The following TNFRSF10B variants were observed in gnomAD, a reference collection of about 807,000 sequenced individuals.
TNFRSF10B encodes the protein tumor necrosis factor receptor superfamily member 10B.
Under a neutral mutation model 41.4 loss-of-function variants are expected in TNFRSF10B, and 35 were observed. The ratio of observed to expected loss-of-function variants is 0.85; its 90% CI spans 0.65 to 1.12. The LOEUF (loss-of-function observed/expected upper bound fraction) is 1.12. Among genes scored for constraint, TNFRSF10B ranks in the 50% most tolerant of loss-of-function variants. The pLI, the probability that TNFRSF10B is intolerant of heterozygous loss-of-function variation, is 0.00. For missense variants in TNFRSF10B, 584 were observed against 552.7 expected (o/e 1.06, Z -0.57); for synonymous variants, 230 against 215.5 (o/e 1.07, Z -0.59).
Position 23,021,304 on chromosome 8 carries a change from A to G in TNFRSF10B, c.*1367T>C, listed in dbSNP as rs1030442632. 1 of 454,006 alleles carries G rather than the reference A, an allele frequency of 2.2e-6. No individual in the cohort carries two copies. The highest frequency in any genetic ancestry group is 2.0e-5 in the African/African-American group (1 of 50,010). 28.1% of individuals were successfully genotyped at this position (454,006 alleles called of 1,614,324 possible). ...TCTGAGATGAGTCAGATGCTTACAG[A>G]GCGGCCAAGGTCCTCAAGTAGGCAA... On this transcript the variant is annotated 3_prime_UTR_variant, in exon 9 of 9. Coordinates refer to ENST00000276431, the MANE Select transcript of TNFRSF10B (RefSeq NM_003842.5).
chr8:23,042,539 A>G (rs1312905471), intron 2 of TNFRSF10B, among the ~76,000 whole-genome samples: 2 of 151,694 alleles, frequency 1.3e-5, no homozygotes, highest in Non-Finnish European at 2.9e-5. Flanking sequence ...AGCGCCTCAC[A>G]CTCAAGGCCC....
At chr8:23,027,069 C>T in intron 7 of TNFRSF10B, 64 bp downstream of exon 7, 2 of 1,611,158 alleles carry the variant, frequency 1.2e-6, no homozygotes, top group Non-Finnish European at 1.7e-6. Flanking sequence ...TGCCCTCTCC[C>T]ACTGTCTACG....
intron 2 of TNFRSF10B, among the ~76,000 whole-genome samples, chr8:23,042,550 T>TCCA (rs1238214367): frequency 1.3e-5 from 2 of 152,024 alleles, no homozygotes; most frequent in Admixed American, 1.3e-4. Context: ...CTCAAGGCCC[T>TCCA]CCACCTGCTT....
chr8:23,023,541 C>T (rs1811607587), intron 8 of TNFRSF10B, among the ~76,000 whole-genome samples: 2 of 152,064 alleles, frequency 1.3e-5, no homozygotes, highest in African/African-American at 2.4e-5. Flanking sequence ...GCCCAGATCT[C>T]GGGACGATGA....
rs11135695 is a variant in TNFRSF10B, at chr8:23,068,985, G to C, written c.-91C>G. The C allele has an allele frequency of 1.2e-6, 2 of 1,600,200 alleles. No individual in the cohort carries two copies. Among genetic ancestry groups the C allele is most frequent in the Non-Finnish European group, 1.7e-6 (2 of 1,172,496 alleles). The stretch of plus-strand genomic sequence containing the variant: ...ATCGTCGGTGTATTTTGTGGGCGCA[G>C]AGATTGCGGGGTTCTCCGGCCGCGT... On this transcript the variant is annotated 5_prime_UTR_variant, in exon 1 of 9. Coordinates refer to ENST00000276431, the MANE Select transcript of TNFRSF10B (RefSeq NM_003842.5).
intron 2 of TNFRSF10B, among the ~76,000 whole-genome samples, chr8:23,039,322 T>G (rs947202713): frequency 1.3e-5 from 2 of 151,998 alleles, no homozygotes; most frequent in African/African-American, 2.4e-5. Context: ...TCTAGAGAGA[T>G]AAAGATTTAT....
chr8:23,059,098 T>C (rs557721455), intron 1 of TNFRSF10B, among the ~76,000 whole-genome samples: 1 of 152,296 alleles, frequency 6.6e-6, no homozygotes, highest in South Asian at 2.1e-4. Flanking sequence ...TGGAATCCTA[T>C]TTCATTTGTC....
intron 1 of TNFRSF10B, chr8:23,049,732 C>G (rs1812465174): frequency 6.6e-6 from 1 of 152,174 alleles, no homozygotes; most frequent in Non-Finnish European, 1.5e-5. Flanking sequence ...AAACTCTCTT[C>G]CTCCCCAGTT....
chr8:23,026,620 C>A (rs1156599947), intron 7 of TNFRSF10B, among the ~76,000 whole-genome samples: 2 of 152,174 alleles, frequency 1.3e-5, no homozygotes, highest in East Asian at 3.8e-4. Context: ...AGATTTCCTG[C>A]CTACTCAATA....
In TNFRSF10B at chr8:23,027,750, C is replaced by T. The variant is rs1256252034; in HGVS notation, c.752G>A (p.Gly251Asp). Residue 251 changes from glycine (G) to aspartate (D), a missense_variant, in exon 6 of 9, where the codon GGT (glycine) becomes GAT (aspartate). Physicochemically the swap from Gly to Asp is moderately conservative, Grantham distance 94. Coordinates refer to ENST00000276431, the MANE Select transcript of TNFRSF10B (RefSeq NM_003842.5). ...LPYLKGICSG[G>D]GGDPERVDRS... ...GTCCACACGCTCAGGGTCCCCACCA[C>T]CACCTAAAAAAGAAGCAGTCTCCTT... 1 of 1,614,088 alleles carries T rather than the reference C, an allele frequency of 6.2e-7. No homozygotes were observed. Among genetic ancestry groups the T allele is most frequent in the Non-Finnish European group, 8.5e-7 (1 of 1,180,014 alleles).
chr8:23,039,996 A>T (rs1269900621), intron 2 of TNFRSF10B, among the ~76,000 whole-genome samples: 5 of 151,968 alleles, frequency 3.3e-5, no homozygotes, highest in African/African-American at 1.2e-4. Flanking sequence ...AGTTTGAGAC[A>T]GCCTGACCAA....
chr8:23,030,897 G>A (rs768625479), intron 2 of TNFRSF10B, 25 bp from the exon 3 acceptor site: 5 of 1,519,522 alleles, frequency 3.3e-6, no homozygotes, highest in Non-Finnish European at 3.6e-6. Flanking sequence ...AAAAGCCGGT[G>A]AATGAAATGC....
rs772964680 is a variant in TNFRSF10B at position 23,022,842 on chromosome 8, C to CGT, written c.1150_1151dup (p.Met385ArgfsTer3). The stretch of plus-strand genomic sequence containing the variant: ...TTTTGTTGACCCACTTTATCAGCAT[C>CGT]GTGTACAAGGTGTCCCTGTGGCCCG... On this transcript the variant is annotated frameshift_variant, in exon 9 of 9. Transcript: ENST00000276431. LOFTEE classifies it low-confidence loss of function (END_TRUNC). The CGT allele has an allele frequency of 1.9e-6, 3 of 1,614,100 alleles. No individual in the cohort carries two copies. The highest frequency in any genetic ancestry group is 2.5e-6 in the Non-Finnish European group (3 of 1,180,016).
intron 1 of TNFRSF10B, among the ~76,000 whole-genome samples, chr8:23,046,119 G>C (rs74345834): frequency 0.013 from 2,037 of 152,180 alleles, 39 homozygotes; most frequent in African/African-American, 0.046. Context: ...AGAATTATTA[G>C]GTATTCAAAT....
At chr8:23,037,068 A>G (rs928038808) in intron 2 of TNFRSF10B, among the ~76,000 whole-genome samples, 3 of 152,202 alleles carry the variant, frequency 2.0e-5, no homozygotes, top group African/African-American at 7.2e-5. Context: ...AACCATGAAG[A>G]TATTTGTGCC....
chr8:23,036,801 C>G (rs1301256178), intron 2 of TNFRSF10B, among the ~76,000 whole-genome samples: 1 of 152,172 alleles, frequency 6.6e-6, no homozygotes, highest in African/African-American at 2.4e-5. Flanking sequence ...CGAGGTCGCC[C>G]CATTGCACTC....
intron 4 of TNFRSF10B, among the ~76,000 whole-genome samples, chr8:23,029,409 C>T (rs1001615121): frequency 1.3e-5 from 2 of 152,042 alleles, no homozygotes; most frequent in Admixed American, 1.3e-4. Context: ...TCAGCCTGGT[C>T]AAGGGGACTC....
chr8:23,028,255 TTTCTG>T, intron 5 of TNFRSF10B, 71 bp downstream of exon 5: 1 of 1,605,018 alleles, frequency 6.2e-7, no homozygotes, highest in South Asian at 1.1e-5. Flanking sequence ...GGGGCAGGCG[TTTCTG>T]TCTGTGGGAA....
intron 7 of TNFRSF10B, among the ~76,000 whole-genome samples, chr8:23,024,594 C>G (rs542951114): frequency 3.8e-4 from 57 of 151,814 alleles, no homozygotes; most frequent in South Asian, 2.3e-3. Flanking sequence ...GATCTTGGCT[C>G]ACTGCAACCT....
Sources: allele counts gnomAD v4.1 joint callset (sites outside exome capture counted in the v4.1 genomes callset), GRCh38; gene constraint gnomAD v4.1.1; transcripts MANE v1.5; gene names NCBI Gene and HGNC (gene_info 2026-07-23, HGNC 2026-07-21).